The following FOXK2 variants were observed in gnomAD, a reference collection of about 807,000 sequenced individuals.
FOXK2 encodes the protein forkhead box K2.
A neutral mutation model predicts 53.3 loss-of-function variants in FOXK2; 24 were observed. The observed-to-expected ratio is 0.45, with a 90% CI of 0.33 to 0.63. FOXK2 has a LOEUF of 0.63. Among genes scored for constraint, FOXK2 ranks in the 30% least tolerant of loss-of-function variants. FOXK2 has a pLI of 0.03. For synonymous variants in FOXK2, 505 were observed against 407.1 expected (o/e 1.24, Z -2.89); for missense variants, 952 against 910.5 (o/e 1.05, Z -0.59).
At chr17:82,596,183 C>G in intron 8 of FOXK2, 2 of 1,002,018 alleles carry the variant, frequency 2.0e-6, no homozygotes, top group Non-Finnish European at 2.4e-6. Flanking sequence ...CAGCTCACAC[C>G]AACTGCAGGT....
chr17:82,590,361 G>A (rs2045240788), intron 8 of FOXK2, among the ~76,000 whole-genome samples: 1 of 152,130 alleles, frequency 6.6e-6, no homozygotes. Context: ...TCACCATGTT[G>A]CCCATGCTGG....
chr17:82,530,481 G>A (rs1294789680), intron 1 of FOXK2, among the ~76,000 whole-genome samples: 2 of 137,272 alleles, frequency 1.5e-5, no homozygotes, highest in South Asian at 2.4e-4. Context: ...GAGAAAACCC[G>A]AAATAAGGAA....
intron 2 of FOXK2, among the ~76,000 whole-genome samples, chr17:82,564,586 T>G (rs1349577866): frequency 6.6e-6 from 1 of 151,830 alleles, no homozygotes; most frequent in Non-Finnish European, 1.5e-5. Flanking sequence ...TGGTCTAAAG[T>G]CTGCCCTTTC....
chr17:82,539,209 G>A (rs924094232), intron 1 of FOXK2, among the ~76,000 whole-genome samples: 6 of 148,168 alleles, frequency 4.0e-5, no homozygotes, highest in Admixed American at 2.0e-4. Context: ...GCTCAGGCCC[G>A]TAATCTCAGC....
rs757194868 is a variant in FOXK2 at position 82,586,077 on chromosome 17, G to T, written c.1453G>T (p.Val485Leu). 4 of 1,612,810 alleles carry T rather than the reference G, an allele frequency of 2.5e-6. No individual in the cohort carries two copies. The East Asian group carries it at 8.9e-5, about 36-fold the overall frequency. The change falls in exon 7 of 9, where the codon GTG (valine) becomes TTG (leucine). Residue 485 changes from valine to leucine, a missense_variant. Transcript: ENST00000335255. ...HQIPAVSVTS[V>L]AGLAPANTYT... ...GATCCCAGCGGTGTCGGTCACCAGT[G>T]TGGCCGGACTGGCCCCAGCGAACAC...
chr17:82,559,314 T>C (rs2044767609), intron 1 of FOXK2: 1 of 450,884 alleles, frequency 2.2e-6, no homozygotes, highest in Non-Finnish European at 4.5e-6. Flanking sequence ...CCATCTCTGC[T>C]ACTGGCTGGC....
chr17:82,520,551 G>A (rs2044351038), intron 1 of FOXK2, among the ~76,000 whole-genome samples: 1 of 152,284 alleles, frequency 6.6e-6, no homozygotes, highest in South Asian at 2.1e-4. Flanking sequence ...CCTTCCTGGA[G>A]CCGGGGCTGC....
intron 8 of FOXK2, among the ~76,000 whole-genome samples, chr17:82,596,722 T>C (rs1474549292): frequency 6.6e-6 from 1 of 152,218 alleles, no homozygotes; most frequent in Non-Finnish European, 1.5e-5. Flanking sequence ...GCTGGCGTCT[T>C]GATTGGGACG....
At chr17:82,597,310 C>T (rs1257306021) in intron 8 of FOXK2, among the ~76,000 whole-genome samples, 1 of 152,228 alleles carries the variant, frequency 6.6e-6, no homozygotes, top group African/African-American at 2.4e-5. Context: ...GTGTGGGCCT[C>T]ATCAGGAGCA....
chr17:82,574,134 T>C (rs1244085600), intron 4 of FOXK2, among the ~76,000 whole-genome samples: 5 of 152,214 alleles, frequency 3.3e-5, no homozygotes, highest in Admixed American at 6.5e-5. Flanking sequence ...GCTGAACTGC[T>C]ATTAAACTTG....
intron 1 of FOXK2, among the ~76,000 whole-genome samples, chr17:82,540,598 G>A (rs998872530): frequency 2.5e-4 from 38 of 152,168 alleles, no homozygotes; most frequent in African/African-American, 8.9e-4. Context: ...ACCCTCAGGC[G>A]TAACCCTTTC....
chr17:82,531,420 GC>G (rs1294768563), intron 1 of FOXK2, among the ~76,000 whole-genome samples: 1 of 151,834 alleles, frequency 6.6e-6, no homozygotes, highest in African/African-American at 2.4e-5. Flanking sequence ...GACTTTTTTG[GC>G]CTTGTACAGT....
intron 1 of FOXK2, among the ~76,000 whole-genome samples, chr17:82,539,527 T>C (rs1324063385): frequency 6.6e-6 from 1 of 151,966 alleles, no homozygotes; most frequent in Non-Finnish European, 1.5e-5. Context: ...CACATGCCTG[T>C]GATTCCAGCT....
At chr17:82,563,133 T>C (rs1182343421) in intron 1 of FOXK2, among the ~76,000 whole-genome samples, 1 of 152,168 alleles carries the variant, frequency 6.6e-6, no homozygotes, top group Non-Finnish European at 1.5e-5. Context: ...TTTTCCTGTA[T>C]GGCTGGTCTA....
At chr17:82,584,255 CA>C (rs2045104673) in intron 6 of FOXK2, 67 bp downstream of exon 6, 5 of 1,458,782 alleles carry the variant, frequency 3.4e-6, no homozygotes, top group African/African-American at 1.4e-5. Flanking sequence ...CTGGGCTCCA[CA>C]GAGAAGAAAC....
chr17:82,584,310 T>A, intron 6 of FOXK2, 122 bp downstream of exon 6: 1 of 1,025,856 alleles, frequency 9.7e-7, no homozygotes, highest in Non-Finnish European at 1.3e-6. Context: ...CTTATACTAG[T>A]ACCTGATTTT....
intron 3 of FOXK2, 124 bp from the exon 4 acceptor site, chr17:82,571,600 C>CA (rs996261064): frequency 1.6e-4 from 171 of 1,048,074 alleles, no homozygotes; most frequent in Non-Finnish European, 1.8e-4. Context: ...GACTCTGTCT[C>CA]AAAAAAAAGA....
At chr17:82,562,700 T>A (rs2144113520) in intron 1 of FOXK2, among the ~76,000 whole-genome samples, 1 of 152,210 alleles carries the variant, frequency 6.6e-6, no homozygotes, top group South Asian at 2.1e-4. Flanking sequence ...CACTGGGTGG[T>A]ATTTGAGTTT....
chr17:82,540,136 C>T (rs1012010372), intron 1 of FOXK2, among the ~76,000 whole-genome samples: 5 of 152,060 alleles, frequency 3.3e-5, no homozygotes, highest in Non-Finnish European at 7.4e-5. Context: ...CAAAAATTAG[C>T]CGAGTGTGAT....
Sources: gnomAD v4.1 joint callset for allele counts (sites outside exome capture counted in the v4.1 genomes callset) on GRCh38, gnomAD v4.1.1 for gene constraint, MANE v1.5 for transcripts, NCBI Gene and HGNC (gene_info 2026-07-23, HGNC 2026-07-21) for gene names.